The following SLC16A2 variants were observed in gnomAD, a reference collection of about 807,000 sequenced individuals.
The protein encoded by SLC16A2 is solute carrier family 16 member 2, also known as monocarboxylate transporter 8.
A neutral mutation model predicts 27.2 loss-of-function variants in SLC16A2; 3 were observed. That is an observed-to-expected ratio of 0.11 (90% CI 0.05 to 0.28). SLC16A2 has a LOEUF of 0.28. Among genes scored for constraint, SLC16A2 ranks in the 10% least tolerant of loss-of-function variants. The probability of loss-of-function intolerance (pLI) is 1.00; values close to 1 mark genes in which losing one functional copy is unlikely to be tolerated. For missense variants in SLC16A2, 295 were observed against 458.5 expected, an observed-to-expected ratio of 0.64 and a Z score of 3.26; for synonymous variants, 202 against 187.8, an observed-to-expected ratio of 1.08 and a Z score of -0.62.
intron 1 of SLC16A2, among the ~76,000 whole-genome samples, chrX:74,423,777 T>G (rs1476638217): frequency 3.6e-5 from 4 of 111,159 alleles, no homozygotes; most frequent in Non-Finnish European, 7.5e-5. Flanking sequence ...CTAGGTTACC[T>G]CCAAGGGCAC....
chrX:74,508,361 T>A (rs1930171053), intron 1 of SLC16A2, among the ~76,000 whole-genome samples: 1 of 112,129 alleles, frequency 8.9e-6, no homozygotes, highest in Admixed American at 9.5e-5. Flanking sequence ...TTTGTCTTCT[T>A]TAATTTCTCT....
At chrX:74,430,120 G>C (rs1374532981) in intron 1 of SLC16A2, among the ~76,000 whole-genome samples, 9 of 112,433 alleles carry the variant, frequency 8.0e-5, no homozygotes, top group Non-Finnish European at 1.5e-4. Flanking sequence ...TAGCAATTAA[G>C]TCTGTGCGAG....
intron 1 of SLC16A2, among the ~76,000 whole-genome samples, chrX:74,481,016 A>G (rs1251105438): frequency 8.9e-6 from 1 of 112,631 alleles, no homozygotes; most frequent in Non-Finnish European, 1.9e-5. Context: ...TATTCTATTG[A>G]GATAGCGTAT....
chrX:74,440,277 T>C (rs894648718), intron 1 of SLC16A2, among the ~76,000 whole-genome samples: 3 of 111,644 alleles, frequency 2.7e-5, no homozygotes, highest in African/African-American at 9.8e-5. Flanking sequence ...AAACTAGAAT[T>C]GTCCCAGGAA....
intron 1 of SLC16A2, among the ~76,000 whole-genome samples, chrX:74,495,203 T>C (rs1183317566): frequency 9.0e-6 from 1 of 111,589 alleles, no homozygotes; most frequent in Admixed American, 9.5e-5. Flanking sequence ...TGTGTGTGTG[T>C]GTGGCAGGGG....
intron 1 of SLC16A2, among the ~76,000 whole-genome samples, chrX:74,501,288 C>T (rs937561099): frequency 4.5e-5 from 5 of 111,019 alleles, no homozygotes; most frequent in East Asian, 2.8e-4. Flanking sequence ...TCTTTAGTGT[C>T]GACCAAACTC....
chrX:74,526,000 G>A, intron 4 of SLC16A2, 107 bp downstream of exon 4: 1 of 933,708 alleles, frequency 1.1e-6, no homozygotes, highest in Non-Finnish European at 1.5e-6. Context: ...GCATGGGAAA[G>A]TCAATCAAAT....
intron 1 of SLC16A2, among the ~76,000 whole-genome samples, chrX:74,445,424 C>T (rs900805638): frequency 4.6e-5 from 5 of 109,291 alleles, no homozygotes; most frequent in Non-Finnish European, 9.5e-5. Context: ...TTTCATTTCA[C>T]TATATATAGC....
At chrX:74,443,995 G>A (rs1365885712) in intron 1 of SLC16A2, among the ~76,000 whole-genome samples, 1 of 111,428 alleles carries the variant, frequency 9.0e-6, no homozygotes, top group Non-Finnish European at 1.9e-5. Flanking sequence ...GTGTATGTGT[G>A]TGCATGTGTG....
chrX:74,441,762 G>A (rs1219846983), intron 1 of SLC16A2, among the ~76,000 whole-genome samples: 1 of 111,382 alleles, frequency 9.0e-6, no homozygotes, highest in Non-Finnish European at 1.9e-5. Context: ...GGCCTTCACA[G>A]GATGTAGGCC....
At chrX:74,473,989 C>T (rs1929413681) in intron 1 of SLC16A2, 1 of 266,455 alleles carries the variant, frequency 3.8e-6, no homozygotes, top group Admixed American at 5.8e-5. Context: ...ATGACGCTTC[C>T]TCAGCAGTGT....
intron 1 of SLC16A2, among the ~76,000 whole-genome samples, chrX:74,431,482 G>A (rs1313186123): frequency 2.7e-5 from 3 of 111,495 alleles, no homozygotes; most frequent in Non-Finnish European, 5.6e-5. Context: ...GGGGAAGGGT[G>A]GGAAGGGGAT....
intron 1 of SLC16A2, among the ~76,000 whole-genome samples, chrX:74,506,933 A>AT (rs1481294733): frequency 1.0e-4 from 3 of 29,950 alleles, no homozygotes; most frequent in African/African-American, 1.2e-4. Flanking sequence ...TTATTTATTT[A>AT]TTTATTTTTT....
intron 1 of SLC16A2, among the ~76,000 whole-genome samples, chrX:74,491,704 G>A (rs905990020): frequency 8.9e-6 from 1 of 112,381 alleles, no homozygotes; most frequent in African/African-American, 3.2e-5. Context: ...ATGGGAGCAG[G>A]TTATGGCTTA....
chrX:74,505,947 C>T (rs1930117992), intron 1 of SLC16A2, among the ~76,000 whole-genome samples: 1 of 111,955 alleles, frequency 8.9e-6, no homozygotes. Flanking sequence ...TTTACAAAGG[C>T]ACTGATGCTT....
chrX:74,490,388 T>G (rs1053369366), intron 1 of SLC16A2, among the ~76,000 whole-genome samples: 2 of 108,195 alleles, frequency 1.8e-5, no homozygotes, highest in East Asian at 5.8e-4. Flanking sequence ...AAGGAGGAAC[T>G]GAGCTGTGGC....
rs528966048 is a variant in SLC16A2 at position 74,470,646 on chromosome X, C to G, written c.430+48579C>G. 3.6e-5 allele frequency among the ~76,000 whole-genome samples: 4 copies of G among 111,883 alleles called. No individual in the cohort carries two copies. In the East Asian group the frequency reaches 8.4e-4, roughly 23 times the overall value. On this transcript the variant is annotated intron_variant, in intron 1 of 5. Transcript: ENST00000587091. Reference sequence around the variant, plus strand: ...TGGTGAGGTGTTCATTTAGATTTGCCTTTAAAAATATCAAGTTATGCCAGG... The same window carrying G: ...TGGTGAGGTGTTCATTTAGATTTGCGTTTAAAAATATCAAGTTATGCCAGG...
intron 1 of SLC16A2, among the ~76,000 whole-genome samples, chrX:74,423,051 G>A (rs905224649): frequency 3.5e-5 from 4 of 112,987 alleles, no homozygotes; most frequent in Non-Finnish European, 7.5e-5. Context: ...GACCCCAGGC[G>A]TGTGCGCTCT....
At chrX:74,455,971 G>A (rs1246323465) in intron 1 of SLC16A2, among the ~76,000 whole-genome samples, 1 of 112,106 alleles carries the variant, frequency 8.9e-6, no homozygotes, top group Non-Finnish European at 1.9e-5. Context: ...TTAGGCTGTG[G>A]GGAACTGAAG....
Sources: allele counts gnomAD v4.1 joint callset (sites outside exome capture counted in the v4.1 genomes callset), GRCh38; gene constraint gnomAD v4.1.1; transcripts MANE v1.5; gene names NCBI Gene and HGNC (gene_info 2026-07-23, HGNC 2026-07-21).